The following C13orf42 variants were observed in gnomAD, a reference collection of about 807,000 sequenced individuals.
The protein encoded by C13orf42 is uncharacterized protein C13orf42.
chr13:51,153,237 T>C (rs1480477128), intron 1 of C13orf42, among the ~76,000 whole-genome samples: 1 of 152,046 alleles, frequency 6.6e-6, no homozygotes, highest in Admixed American at 6.5e-5. Flanking sequence ...CCACTGCCCC[T>C]TTTTCCTGCT....
intron 1 of C13orf42, among the ~76,000 whole-genome samples, chr13:51,109,859 C>T (rs554799158): frequency 1.3e-5 from 2 of 152,144 alleles, no homozygotes; most frequent in Non-Finnish European, 2.9e-5. Context: ...CACTGAGCCT[C>T]GGTTTTCCCT....
In C13orf42 at chr13:51,123,510, C is replaced by G. The variant is rs536829254; in HGVS notation, n.137-10288G>C. Among the ~76,000 whole-genome samples, 55 of 152,336 alleles carry G rather than the reference C, an allele frequency of 3.6e-4. 1 individual carries two copies. The highest frequency in any genetic ancestry group is 1.3e-3 in the African/African-American group (54 of 41,578). On this transcript the variant is annotated intron_variant and non_coding_transcript_variant, in intron 1 of 4. Coordinates refer to the C13orf42 transcript ENST00000433280. ...TTCAAAGCAGGTGGGGAAATACAAT[C>G]TTAGCATGTGCCTGGAGGAGAGCCA...
intron 1 of C13orf42, among the ~76,000 whole-genome samples, chr13:51,091,684 A>G (rs1476136177): frequency 6.6e-6 from 1 of 152,142 alleles, no homozygotes; most frequent in Non-Finnish European, 1.5e-5. Flanking sequence ...TCTAATACAC[A>G]GTGGCTGAAT....
intron 1 of C13orf42, among the ~76,000 whole-genome samples, chr13:51,110,565 C>A (rs986812211): frequency 3.9e-5 from 6 of 152,106 alleles, no homozygotes; most frequent in African/African-American, 1.2e-4. Flanking sequence ...GCATGTGTAC[C>A]CCTGAACCTA....
At chr13:51,088,096 AAG>A in intron 1 of C13orf42, 21 bp from the exon 2 acceptor site, 2 of 398,718 alleles carry the variant, frequency 5.0e-6, no homozygotes, top group Non-Finnish European at 8.8e-6. Flanking sequence ...TGAAGGGGAG[AAG>A]AGAGAGTTGC....
At chr13:51,114,479 C>A (rs373100270), upstream of C13orf42, among the ~76,000 whole-genome samples, 1 of 152,134 alleles carries the variant, frequency 6.6e-6, no homozygotes, top group African/African-American at 2.4e-5. Context: ...TAAGATTCCA[C>A]ATATAGTGAG....
Position 51,117,849 on chromosome 13 carries a change from C to T in C13orf42, n.137-4627G>A, listed in dbSNP as rs868085122. Among the ~76,000 whole-genome samples the T allele has an allele frequency of 5.3e-5, 8 of 152,320 alleles. No individual in the cohort carries two copies. The South Asian group carries it at 6.2e-4, about 12-fold the overall frequency. On this transcript the variant is annotated intron_variant and non_coding_transcript_variant, in intron 1 of 4. Coordinates refer to the C13orf42 transcript ENST00000433280. Reference sequence around the variant, plus strand: ...ATCCAGGGGAGATGTCTCTGCTCCACGTGAACACTCAGGGACCCAGGCTCT... The same window carrying T: ...ATCCAGGGGAGATGTCTCTGCTCCATGTGAACACTCAGGGACCCAGGCTCT...
chr13:51,091,604 C>A lies in C13orf42; in HGVS notation c.415-3529G>T, dbSNP rs572383154. Among the ~76,000 whole-genome samples the A allele has an allele frequency of 1.1e-4, 17 of 152,216 alleles. No homozygotes were observed. The East Asian group carries it at 1.7e-3, about 16-fold the overall frequency. The stretch of plus-strand genomic sequence containing the variant: ...CTAATCCCAGTGGTTGTTAGACTCT[C>A]CTGGGGTGCTTTTAAAGAATATCTA... On this transcript the variant is annotated intron_variant, in intron 1 of 3. Transcript: ENST00000563710.
intron 1 of C13orf42, among the ~76,000 whole-genome samples, chr13:51,148,520 G>A (rs897751785): frequency 2.6e-5 from 4 of 152,212 alleles, no homozygotes; most frequent in Non-Finnish European, 4.4e-5. Flanking sequence ...GGTAAAAGCC[G>A]GCAGCCCCCT....
chr13:51,141,095 G>GGTAGGT (rs1953692228), intron 1 of C13orf42, among the ~76,000 whole-genome samples: 1 of 128,498 alleles, frequency 7.8e-6, no homozygotes. Context: ...ATCGAAGGGA[G>GGTAGGT]GTGTGTGTGT....
intron 1 of C13orf42, among the ~76,000 whole-genome samples, chr13:51,170,130 GC>G (rs1028872021): frequency 7.9e-5 from 12 of 151,940 alleles, no homozygotes; most frequent in Admixed American, 5.2e-4. Flanking sequence ...ACTCCTACCC[GC>G]CAGAGAACAA....
chr13:51,139,029 A>T (rs1414133193), intron 1 of C13orf42, among the ~76,000 whole-genome samples: 1 of 152,182 alleles, frequency 6.6e-6, no homozygotes, highest in Non-Finnish European at 1.5e-5. Flanking sequence ...AAAATAGTCA[A>T]ACTCCGGCCG....
intron 1 of C13orf42, chr13:51,161,799 G>C (rs950585598): frequency 3.0e-6 from 1 of 328,354 alleles, no homozygotes; most frequent in African/African-American, 2.2e-5. Flanking sequence ...ACCATAACCA[G>C]GGAATCGTTA....
intron 3 of C13orf42, 101 bp from the exon 4 acceptor site, chr13:51,084,426 T>C (rs1953100063): frequency 2.5e-6 from 1 of 396,446 alleles, no homozygotes; most frequent in South Asian, 1.4e-4. Context: ...GACCCTCAGA[T>C]TGCTGCCCTA....
At chr13:51,108,607 G>A (rs561688098) in intron 1 of C13orf42, among the ~76,000 whole-genome samples, 2 of 152,316 alleles carry the variant, frequency 1.3e-5, no homozygotes, top group South Asian at 2.1e-4. Context: ...GTCAGTGAAC[G>A]CTGGAGTAAG....
intron 1 of C13orf42, among the ~76,000 whole-genome samples, chr13:51,158,851 G>A (rs60150813): frequency 0.15 from 23,030 of 152,218 alleles, 2,463 homozygotes; most frequent in East Asian, 0.49. Context: ...GAGGCAAAAC[G>A]CTAGTATGTT....
intron 1 of C13orf42, among the ~76,000 whole-genome samples, chr13:51,128,234 T>C (rs907625597): frequency 6.6e-6 from 1 of 152,248 alleles, no homozygotes; most frequent in African/African-American, 2.4e-5. Flanking sequence ...CCATTCTTCC[T>C]TTCTTTACTT....
chr13:51,167,280 C>T (rs1416302416), intron 1 of C13orf42, among the ~76,000 whole-genome samples: 1 of 152,102 alleles, frequency 6.6e-6, no homozygotes, highest in African/African-American at 2.4e-5. Context: ...CTTACACATA[C>T]ACATGCTTTT....
At chr13:51,165,712 C>G (rs563197905) in intron 1 of C13orf42, among the ~76,000 whole-genome samples, 9 of 152,206 alleles carry the variant, frequency 5.9e-5, no homozygotes, top group Admixed American at 1.3e-4. Flanking sequence ...GAGTACTGAT[C>G]ACCTTGACAA....
Sources: allele counts gnomAD v4.1 joint callset (sites outside exome capture counted in the v4.1 genomes callset), GRCh38; gene constraint gnomAD v4.1.1; transcripts MANE v1.5; gene names NCBI Gene and HGNC (gene_info 2026-07-23, HGNC 2026-07-21).